The following PTPRM variants were observed in gnomAD, a reference collection of about 807,000 sequenced individuals.
The protein encoded by PTPRM is protein tyrosine phosphatase receptor type M.
A neutral mutation model predicts 186.7 loss-of-function variants in PTPRM; 47 were observed. The ratio of observed to expected loss-of-function variants is 0.25; its 90% CI spans 0.20 to 0.32. The LOEUF is 0.32. Among genes scored for constraint, PTPRM ranks in the 10% least tolerant of loss-of-function variants. PTPRM has a pLI of 1.00. For synonymous variants in PTPRM, 668 were observed against 674.9 expected (o/e 0.99, Z 0.16); for missense variants, 1,494 against 1,865.0 (o/e 0.80, Z 3.66).
At chr18:7,917,249 T>G (rs964421673) in intron 4 of PTPRM, among the ~76,000 whole-genome samples, 2 of 152,188 alleles carry the variant, frequency 1.3e-5, no homozygotes, top group Non-Finnish European at 2.9e-5. Context: ...AAAAATTATC[T>G]TTGGCCAGGT....
chr18:8,009,890 C>G (rs1423911066), intron 7 of PTPRM, among the ~76,000 whole-genome samples: 1 of 151,978 alleles, frequency 6.6e-6, no homozygotes, highest in Non-Finnish European at 1.5e-5. Flanking sequence ...AACTATTTCC[C>G]TCTTTTTTTC....
rs2046713675 is a variant in PTPRM, at chr18:7,848,637, C to T, written c.197-39469C>T. On this transcript the variant is annotated intron_variant, in intron 2 of 32. Transcript: ENST00000580170. The stretch of plus-strand genomic sequence containing the variant: ...AAAAAAAAAAAATTAGCCAGGAATG[C>T]CTGTAGTCCCAGCTACTCAGGAAGC... Among the ~76,000 whole-genome samples, 4 of 151,886 alleles carry T rather than the reference C, an allele frequency of 2.6e-5. No individual in the cohort carries two copies. The South Asian group carries it at 8.3e-4, about 31-fold the overall frequency.
At chr18:8,047,824 T>A (rs2087170728) in intron 7 of PTPRM, among the ~76,000 whole-genome samples, 1 of 152,178 alleles carries the variant, frequency 6.6e-6, no homozygotes, top group South Asian at 2.1e-4. Context: ...AGATCAAGGA[T>A]GTCTGGAACT....
intron 1 of PTPRM, among the ~76,000 whole-genome samples, chr18:7,585,405 A>G (rs902091238): frequency 2.6e-5 from 4 of 152,158 alleles, no homozygotes; most frequent in Non-Finnish European, 5.9e-5. Flanking sequence ...CGAAGTTTGA[A>G]TAGTTTTTGT....
chr18:7,835,108 C>A (rs910710801), intron 2 of PTPRM, among the ~76,000 whole-genome samples: 10 of 122,448 alleles, frequency 8.2e-5, no homozygotes, highest in Non-Finnish European at 1.6e-4. Context: ...TCATTTATTT[C>A]TTCTCTGATT....
intron 1 of PTPRM, among the ~76,000 whole-genome samples, chr18:7,713,044 G>T (rs990863338): frequency 6.6e-6 from 1 of 152,060 alleles, no homozygotes; most frequent in African/African-American, 2.4e-5. Flanking sequence ...ACCTTGAGAA[G>T]AGCAACCCCA....
At chr18:7,844,018 G>A (rs568390106) in intron 2 of PTPRM, among the ~76,000 whole-genome samples, 1 of 152,280 alleles carries the variant, frequency 6.6e-6, no homozygotes, top group Admixed American at 6.5e-5. Context: ...CCAATGGCAA[G>A]CACCCTGAGG....
chr18:8,280,885 T>C (rs2094896248), intron 19 of PTPRM, among the ~76,000 whole-genome samples: 1 of 152,196 alleles, frequency 6.6e-6, no homozygotes, highest in South Asian at 2.1e-4. Flanking sequence ...GCAGGCCCCC[T>C]CTTCAGGCAA....
rs774100892 is a variant in PTPRM, at chr18:7,955,544, C to G, written c.1132+130C>G. The G allele has an allele frequency of 1.1e-4, 114 of 1,080,120 alleles. No homozygotes were observed. The Middle Eastern group carries it at 1.2e-3, about 12-fold the overall frequency. The allele number at this position is 1,080,120 out of a possible 1,614,324, so 66.9% of individuals were successfully genotyped here. A position where few individuals can be genotyped will look rare whatever the true frequency, so the allele number is the denominator to read the frequency against. On this transcript the variant is annotated intron_variant, in intron 7 of 32. Coordinates refer to ENST00000580170, the MANE Select transcript of PTPRM (RefSeq NM_001105244.2). ...AAACCTGCATATGAACAGAAAATGC[C>G]CTTAGCCTGTGAATAGTCAGCTAAC...
rs1599299269 is a variant in PTPRM at position 7,887,950 on chromosome 18, G to T, written c.197-156G>T. On this transcript the variant is annotated intron_variant, in intron 2 of 32. Coordinates refer to ENST00000580170, the MANE Select transcript of PTPRM (RefSeq NM_001105244.2). ...TATAGGGGGATGATAGGAGGAGGAG[G>T]TGGTGATATATGAAATAGGAATGGA... 3 of 845,132 alleles carry T rather than the reference G, an allele frequency of 3.5e-6. No individual in the cohort carries two copies. The East Asian group carries it at 7.2e-5, about 20-fold the overall frequency. The allele number at this position is 845,132 out of a possible 1,614,324, so 52.4% of individuals were successfully genotyped here. A position where few individuals can be genotyped will look rare whatever the true frequency, so the allele number is the denominator to read the frequency against.
At chr18:7,650,966 C>G (rs2038689148) in intron 1 of PTPRM, among the ~76,000 whole-genome samples, 1 of 145,720 alleles carries the variant, frequency 6.9e-6, no homozygotes, top group Admixed American at 7.0e-5. Flanking sequence ...GTGTCTTGCA[C>G]TGTTGCCCAG....
intron 19 of PTPRM, among the ~76,000 whole-genome samples, chr18:8,267,714 A>G (rs993817282): frequency 5.9e-5 from 9 of 152,186 alleles, no homozygotes; most frequent in Admixed American, 4.6e-4. Flanking sequence ...TGTTTTGACA[A>G]CCTGTTTTCA....
intron 1 of PTPRM, among the ~76,000 whole-genome samples, chr18:7,721,279 A>G (rs373321056): frequency 7.0e-4 from 106 of 151,560 alleles, no homozygotes; most frequent in Admixed American, 2.0e-3. Flanking sequence ...TCTTCTTTGG[A>G]GGAATGTCTA....
At chr18:7,697,276 G>A (rs1598391912) in intron 1 of PTPRM, among the ~76,000 whole-genome samples, 1 of 152,178 alleles carries the variant, frequency 6.6e-6, no homozygotes, top group Non-Finnish European at 1.5e-5. Flanking sequence ...TCACCCATCT[G>A]GAGGGTTTCT....
chr18:7,699,741 T>C (rs1194354032), intron 1 of PTPRM, among the ~76,000 whole-genome samples: 1 of 135,988 alleles, frequency 7.4e-6, no homozygotes, highest in African/African-American at 2.8e-5. Context: ...TTTTTTTTTT[T>C]TAATAGTTAA....
intron 7 of PTPRM, among the ~76,000 whole-genome samples, chr18:7,986,840 A>G (rs1481811348): frequency 1.3e-5 from 2 of 152,192 alleles, no homozygotes; most frequent in East Asian, 1.9e-4. Context: ...TAAGAGGATA[A>G]TTAACTTAAA....
At chr18:7,931,538 T>C (rs2146855979) in intron 5 of PTPRM, among the ~76,000 whole-genome samples, 1 of 152,258 alleles carries the variant, frequency 6.6e-6, no homozygotes, top group Admixed American at 6.5e-5. Flanking sequence ...CTGTCTCTAC[T>C]GAAAATACAA....
intron 13 of PTPRM, among the ~76,000 whole-genome samples, chr18:8,129,565 G>A (rs1600725347): frequency 6.6e-6 from 1 of 152,212 alleles, no homozygotes; most frequent in Non-Finnish European, 1.5e-5. Context: ...GCAAATGGCT[G>A]TGTTGTACTG....
intron 2 of PTPRM, among the ~76,000 whole-genome samples, chr18:7,852,177 A>G (rs1246983414): frequency 6.6e-6 from 1 of 152,226 alleles, no homozygotes; most frequent in East Asian, 1.9e-4. Context: ...TATGCATAAA[A>G]TTATTTCAAA....
Sources: gnomAD v4.1 joint callset for allele counts (sites outside exome capture counted in the v4.1 genomes callset) on GRCh38, gnomAD v4.1.1 for gene constraint, MANE v1.5 for transcripts, NCBI Gene and HGNC (gene_info 2026-07-23, HGNC 2026-07-21) for gene names.